Variants in GRM7 observed in about 807,000 individuals in gnomAD.
GRM7 encodes the protein metabotropic glutamate receptor 7.
A neutral mutation model predicts 84.5 loss-of-function variants in GRM7; 35 were observed. That is an observed-to-expected ratio of 0.41 (90% CI 0.32 to 0.55). The LOEUF is 0.55. Ranked by LOEUF, GRM7 falls within the 20% of genes least tolerant of loss-of-function variation. The pLI, the probability that GRM7 is intolerant of heterozygous loss-of-function variation, is 0.19. For missense variants in GRM7, 1,003 were observed against 1,194.6 expected (o/e 0.84, Z 2.36); for synonymous variants, 487 against 455.1 (o/e 1.07, Z -0.89).
At chr3:7,222,289 T>G (rs941116546) in intron 2 of GRM7, among the ~76,000 whole-genome samples, 2 of 151,992 alleles carry the variant, frequency 1.3e-5, no homozygotes, top group African/African-American at 4.8e-5. Context: ...ACTACCTAGA[T>G]TAAGGTAGTG....
chr3:7,410,598 T>TATATAC (rs1553585464), intron 4 of GRM7, among the ~76,000 whole-genome samples: 23 of 142,690 alleles, frequency 1.6e-4, no homozygotes, highest in Admixed American at 1.5e-3. Flanking sequence ...TATATATATA[T>TATATAC]ACACACACAC....
At chr3:7,257,511 T>A (rs1698252005) in intron 2 of GRM7, among the ~76,000 whole-genome samples, 1 of 152,184 alleles carries the variant, frequency 6.6e-6, no homozygotes, top group Admixed American at 6.5e-5. Context: ...TGCTCTGATT[T>A]GGCTTCTGTT....
intron 3 of GRM7, among the ~76,000 whole-genome samples, chr3:7,300,614 C>A (rs1417256498): frequency 6.6e-6 from 1 of 152,112 alleles, no homozygotes; most frequent in Non-Finnish European, 1.5e-5. Context: ...TGTAGGCACA[C>A]TGCCGTGGTA....
rs918317242 is a variant in GRM7, at chr3:7,579,058, T to C, written c.2152T>C (p.Phe718Leu). 1 of 1,614,100 alleles carries C rather than the reference T, an allele frequency of 6.2e-7. No individual in the cohort carries two copies. Among genetic ancestry groups the C allele is most frequent in the Non-Finnish European group, 8.5e-7 (1 of 1,180,010 alleles). ...SLISVQLLGV[F>L]IWFGVDPPNI... ...AATATCAGTTCAGCTTCTAGGGGTG[T>C]TCATTTGGTTTGGTGTTGATCCACC... Residue 718 changes from phenylalanine (F) to leucine (L), a missense_variant, in exon 8 of 10, where the codon TTC becomes CTC. Around this residue, in one of 2 missense-constraint regions of GRM7, gnomAD observed 910 missense variants for 1,126.0 expected, o/e 0.81. Coordinates refer to ENST00000357716, the MANE Select transcript of GRM7 (RefSeq NM_000844.4).
In GRM7 at chr3:7,461,698, G is replaced by A. The variant is rs756164082; in HGVS notation, c.1491G>A (p.Gln497=). The change falls in exon 7 of 10, where the codon CAG becomes CAA. Residue 497 remains glutamine, a synonymous_variant. Transcript: ENST00000357716. ...ACCCGGGTTACCGTCTGATCGGGCA[G>A]TGGACAGACGAACTTCAGCTCAATG... ...TSNPGYRLIG[Q]WTDELQLNIE... 2 of 1,613,892 alleles carry A rather than the reference G, an allele frequency of 1.2e-6. No homozygotes were observed. The highest frequency in any genetic ancestry group is 3.3e-5 in the Admixed American group (2 of 60,014).
intron 4 of GRM7, among the ~76,000 whole-genome samples, chr3:7,374,318 C>G (rs2125121287): frequency 6.6e-6 from 1 of 152,050 alleles, no homozygotes; most frequent in Non-Finnish European, 1.5e-5. Flanking sequence ...CTAGCTAGAT[C>G]TACAGGCCCA....
chr3:7,292,926 C>T (rs1041111652), intron 2 of GRM7, among the ~76,000 whole-genome samples: 5 of 149,434 alleles, frequency 3.3e-5, no homozygotes, highest in South Asian at 2.1e-4. Context: ...CCCAGTTGCT[C>T]GGGGGGCCAA....
chr3:7,387,890 T>C (rs1244898848), intron 4 of GRM7, among the ~76,000 whole-genome samples: 2 of 152,150 alleles, frequency 1.3e-5, no homozygotes, highest in Non-Finnish European at 2.9e-5. Context: ...AGTTAGGAGA[T>C]TTTAACAATA....
chr3:7,513,399 T>C (rs906766271), intron 7 of GRM7, among the ~76,000 whole-genome samples: 12 of 152,016 alleles, frequency 7.9e-5, no homozygotes, highest in African/African-American at 2.7e-4. Flanking sequence ...GATAAAACCT[T>C]TTTTTTTCTG....
chr3:7,704,696 G>T (rs1039289650), intron 9 of GRM7, among the ~76,000 whole-genome samples: 1 of 152,090 alleles, frequency 6.6e-6, no homozygotes, highest in Non-Finnish European at 1.5e-5. Context: ...CAATATATAC[G>T]TGAACACAAA....
At chr3:7,433,413 G>A (rs918279041) in intron 5 of GRM7, among the ~76,000 whole-genome samples, 6 of 152,188 alleles carry the variant, frequency 3.9e-5, no homozygotes, top group African/African-American at 1.4e-4. Flanking sequence ...CTTGTGGGAT[G>A]TTGTCCCCAC....
At chr3:7,462,026 G>A (rs1033871741) in intron 7 of GRM7, among the ~76,000 whole-genome samples, 1 of 152,014 alleles carries the variant, frequency 6.6e-6, no homozygotes, top group African/African-American at 2.4e-5. Context: ...CCTTCTCTTG[G>A]TTAAACTTTT....
chr3:7,471,982 G>T (rs951175843), intron 7 of GRM7, among the ~76,000 whole-genome samples: 3 of 152,212 alleles, frequency 2.0e-5, no homozygotes, highest in Non-Finnish European at 4.4e-5. Context: ...GGAGGTGTTT[G>T]AGTCATGGGT....
chr3:7,138,106 T>C (rs1693828548), intron 1 of GRM7, among the ~76,000 whole-genome samples: 1 of 152,032 alleles, frequency 6.6e-6, no homozygotes, highest in Non-Finnish European at 1.5e-5. Flanking sequence ...GATAATGACA[T>C]GCCAGTAAAT....
intron 1 of GRM7, among the ~76,000 whole-genome samples, chr3:6,943,732 G>A (rs889156904): frequency 1.3e-5 from 2 of 151,942 alleles, no homozygotes; most frequent in African/African-American, 4.8e-5. Flanking sequence ...ATCACCTGTT[G>A]GGTTATGTTT....
intron 1 of GRM7, among the ~76,000 whole-genome samples, chr3:6,973,402 A>T (rs1460372955): frequency 6.6e-6 from 1 of 152,198 alleles, no homozygotes; most frequent in Non-Finnish European, 1.5e-5. Flanking sequence ...CTTGCATGCC[A>T]GTAGTAGGGA....
At chr3:6,934,898 A>T (rs529517282) in intron 1 of GRM7, among the ~76,000 whole-genome samples, 1 of 152,204 alleles carries the variant, frequency 6.6e-6, no homozygotes, top group Non-Finnish European at 1.5e-5. Flanking sequence ...CTTCCCCCAA[A>T]CAGAATTATG....
chr3:7,414,878 T>A, intron 4 of GRM7, 145 bp from the exon 5 acceptor site: 1 of 579,140 alleles, frequency 1.7e-6, no homozygotes, highest in South Asian at 2.5e-5. Context: ...TTTTTCCTCC[T>A]TCTGTTAATT....
intron 1 of GRM7, among the ~76,000 whole-genome samples, chr3:6,999,783 C>T (rs375491084): frequency 5.9e-5 from 9 of 152,200 alleles, no homozygotes; most frequent in East Asian, 1.9e-4. Flanking sequence ...TTCACTATCA[C>T]GAGAACAGCA....
Sources: gnomAD v4.1 joint callset for allele counts (sites outside exome capture counted in the v4.1 genomes callset) on GRCh38, gnomAD v4.1.1 for gene constraint, gnomAD v4.1.1 regional missense constraint, MANE v1.5 for transcripts, NCBI Gene and HGNC (gene_info 2026-07-23, HGNC 2026-07-21) for gene names.